Variants in PRKG1 observed in about 807,000 individuals in gnomAD.
The protein encoded by PRKG1 is cGMP-dependent protein kinase 1.
A neutral mutation model predicts 88.1 loss-of-function variants in PRKG1; 35 were observed. The observed-to-expected ratio is 0.40, with a 90% CI of 0.30 to 0.53. The LOEUF is 0.53. Among genes scored for constraint, PRKG1 ranks in the 20% least tolerant of loss-of-function variants. PRKG1 has a pLI of 0.59. For synonymous variants in PRKG1, 303 were observed against 292.5 expected (o/e 1.04, Z -0.37); for missense variants, 540 against 839.8 (o/e 0.64, Z 4.41).
upstream of PRKG1, among the ~76,000 whole-genome samples, chr10:51,070,852 G>A (rs2132796815): frequency 6.6e-6 from 1 of 152,300 alleles, no homozygotes; most frequent in South Asian, 2.1e-4. Context: ...TATGAAAAAG[G>A]AAGACTGCTG....
intron 3 of PRKG1, among the ~76,000 whole-genome samples, chr10:51,526,702 C>T (rs1841894237): frequency 6.6e-6 from 1 of 152,118 alleles, no homozygotes; most frequent in African/African-American, 2.4e-5. Context: ...GTAAAAACAC[C>T]AGCTCCAGTG....
intron 2 of PRKG1, among the ~76,000 whole-genome samples, chr10:51,387,999 C>T (rs1010614354): frequency 6.6e-6 from 1 of 152,124 alleles, no homozygotes; most frequent in African/African-American, 2.4e-5. Flanking sequence ...GGTTGACTGA[C>T]AATGATATTT....
chr10:51,458,920 A>C (rs971874637), intron 2 of PRKG1, among the ~76,000 whole-genome samples: 2 of 152,134 alleles, frequency 1.3e-5, no homozygotes, highest in African/African-American at 4.8e-5. Context: ...TGATATACAT[A>C]GGTGTCATGG....
chr10:51,534,561 G>A (rs936542672), intron 3 of PRKG1, among the ~76,000 whole-genome samples: 9 of 47,610 alleles, frequency 1.9e-4, no homozygotes, highest in Non-Finnish European at 3.0e-4. Context: ...CCAGCTACTC[G>A]GGAGCTGAGA....
At position 52,070,203 on chromosome 10, in the gene PRKG1, G is replaced by A. The variant is rs74740609; in HGVS notation, c.935+7572G>A. ...AATTCCTTTGCCCACTATTGCTCCT[G>A]TAACCCACCTCATTTCTTTTAGATT... is the stretch of plus-strand genomic sequence containing the variant. On this transcript the variant is annotated intron_variant, in intron 7 of 17. Coordinates refer to ENST00000373980, the MANE Select transcript of PRKG1 (RefSeq NM_006258.4). Among the ~76,000 whole-genome samples the A allele has an allele frequency of 8.0e-3, 1,213 of 152,190 alleles. 13 individuals carry two copies. Among genetic ancestry groups the A allele is most frequent in the African/African-American group, 0.028 (1,152 of 41,544 alleles).
chr10:52,087,516 A>C (rs2133316242), intron 7 of PRKG1, among the ~76,000 whole-genome samples: 1 of 152,204 alleles, frequency 6.6e-6, no homozygotes, highest in African/African-American at 2.4e-5. Context: ...ATTTTTATTT[A>C]GTCATTTTTA....
chr10:51,572,747 G>A (rs866363965), intron 3 of PRKG1, among the ~76,000 whole-genome samples: 83 of 151,596 alleles, frequency 5.5e-4, no homozygotes, highest in African/African-American at 1.5e-3. Context: ...AAGTGATTCT[G>A]ATATGCACGA....
rs74710716 is a variant in PRKG1, at chr10:52,226,738, C to T, written c.1077-24832C>T. Among the ~76,000 whole-genome samples the T allele has an allele frequency of 9.9e-5, 15 of 152,002 alleles. No homozygotes were observed. The East Asian group carries it at 2.9e-3, about 29-fold the overall frequency. ...CCAGAGTAGGAAAAATCTTTATATT[C>T]CTTCAGGACTATTAGGTATCTTGTA... is the stretch of plus-strand genomic sequence containing the variant. On this transcript the variant is annotated intron_variant, in intron 9 of 17. Transcript: ENST00000373980.
intron 3 of PRKG1, among the ~76,000 whole-genome samples, chr10:51,716,259 C>T (rs1050739024): frequency 6.6e-6 from 1 of 152,186 alleles, no homozygotes; most frequent in Non-Finnish European, 1.5e-5. Flanking sequence ...CAAGCCGAAA[C>T]CTGGCTCTTT....
chr10:51,791,674 T>A (rs1198053708), intron 3 of PRKG1, among the ~76,000 whole-genome samples: 1 of 152,026 alleles, frequency 6.6e-6, no homozygotes, highest in Non-Finnish European at 1.5e-5. Flanking sequence ...TATGAATAAC[T>A]ATGAAGCAAG....
At chr10:51,785,597 A>G (rs2132571976) in intron 3 of PRKG1, among the ~76,000 whole-genome samples, 1 of 152,236 alleles carries the variant, frequency 6.6e-6, no homozygotes, top group South Asian at 2.1e-4. Context: ...AGTGGAGACA[A>G]GATACCAGTA....
intron 1 of PRKG1, among the ~76,000 whole-genome samples, chr10:51,135,672 A>G (rs1303972583): frequency 2.6e-5 from 4 of 152,148 alleles, no homozygotes; most frequent in Non-Finnish European, 5.9e-5. Flanking sequence ...GATGTTGATT[A>G]ACCATGGTTA....
chr10:51,967,242 T>C (rs1464966355), intron 5 of PRKG1, among the ~76,000 whole-genome samples: 1 of 152,130 alleles, frequency 6.6e-6, no homozygotes, highest in African/African-American at 2.4e-5. Flanking sequence ...TAAAAAAGGA[T>C]GAGTTCATGT....
chr10:51,518,179 G>A (rs937373236), intron 3 of PRKG1, among the ~76,000 whole-genome samples: 4 of 152,022 alleles, frequency 2.6e-5, no homozygotes, highest in African/African-American at 9.7e-5. Context: ...TGTATTTTTT[G>A]TAGAGATGGG....
intron 3 of PRKG1, among the ~76,000 whole-genome samples, chr10:51,712,472 T>C (rs2132435310): frequency 6.6e-6 from 1 of 152,320 alleles, no homozygotes; most frequent in African/African-American, 2.4e-5. Context: ...TATTGTCAAG[T>C]TTTGATGCTT....
chr10:51,684,899 T>C (rs1840947555), intron 3 of PRKG1, among the ~76,000 whole-genome samples: 1 of 152,144 alleles, frequency 6.6e-6, no homozygotes, highest in Admixed American at 6.6e-5. Context: ...TTTATGGATT[T>C]CTTATAAATT....
intron 7 of PRKG1, among the ~76,000 whole-genome samples, chr10:52,063,347 C>T (rs990257100): frequency 2.6e-5 from 4 of 152,320 alleles, no homozygotes; most frequent in Non-Finnish European, 4.4e-5. Context: ...GCAGCTTCCC[C>T]GGCTAGCATC....
intron 4 of PRKG1, among the ~76,000 whole-genome samples, chr10:51,819,238 G>A (rs1434774227): frequency 6.6e-6 from 1 of 151,786 alleles, no homozygotes; most frequent in Admixed American, 6.6e-5. Context: ...AAAGAGAGGG[G>A]AGGTGTCAGG....
intron 3 of PRKG1, among the ~76,000 whole-genome samples, chr10:51,670,627 T>G (rs1053248493): frequency 6.1e-5 from 9 of 148,296 alleles, no homozygotes; most frequent in African/African-American, 2.2e-4. Context: ...TCCCAGCTAC[T>G]TGGGAGGCTG....
Sources: gnomAD v4.1 joint callset for allele counts (sites outside exome capture counted in the v4.1 genomes callset) on GRCh38, gnomAD v4.1.1 for gene constraint, MANE v1.5 for transcripts, NCBI Gene and HGNC (gene_info 2026-07-23, HGNC 2026-07-21) for gene names.